Variants in TTC27 observed in about 807,000 individuals in gnomAD.
The protein encoded by TTC27 is tetratricopeptide repeat protein 27.
In TTC27, 79 loss-of-function variants were observed where a neutral mutation model predicts 115.9. The ratio of observed to expected loss-of-function variants is 0.68; its 90% CI spans 0.57 to 0.82. TTC27 has a LOEUF of 0.82. Ranked by LOEUF, TTC27 falls within the 40% of genes least tolerant of loss-of-function variation. TTC27 has a pLI of 0.00. For synonymous variants in TTC27, 401 were observed against 356.0 expected (o/e 1.13, Z -1.42); for missense variants, 1,054 against 993.1 (o/e 1.06, Z -0.82).
intron 16 of TTC27, among the ~76,000 whole-genome samples, chr2:32,810,233 G>A (rs969678107): frequency 1.3e-5 from 2 of 152,150 alleles, no homozygotes; most frequent in African/African-American, 4.8e-5. Context: ...GTAATTAGGA[G>A]GGGCTAGGAC....
At chr2:32,670,079 T>C (rs1271566666) in intron 7 of TTC27, among the ~76,000 whole-genome samples, 1 of 151,878 alleles carries the variant, frequency 6.6e-6, no homozygotes, top group South Asian at 2.1e-4. Flanking sequence ...GGCTTCACCA[T>C]GCTGGCCAGG....
At chr2:32,646,866 A>G (rs750229307) in intron 4 of TTC27, among the ~76,000 whole-genome samples, 1 of 151,466 alleles carries the variant, frequency 6.6e-6, no homozygotes, top group Non-Finnish European at 1.5e-5. Flanking sequence ...CCCGGCCTCT[A>G]TATTTGTTTT....
intron 10 of TTC27, among the ~76,000 whole-genome samples, chr2:32,703,122 A>G (rs922553687): frequency 1.3e-5 from 2 of 152,188 alleles, no homozygotes; most frequent in Non-Finnish European, 2.9e-5. Flanking sequence ...TGAACTCGGT[A>G]TTTAACCTCT....
chr2:32,810,862 G>C (rs1360493607), intron 16 of TTC27, among the ~76,000 whole-genome samples, 162 bp from the exon 17 acceptor site: 6 of 152,144 alleles, frequency 3.9e-5, no homozygotes, highest in Non-Finnish European at 8.8e-5. Context: ...AGTGCTTTAG[G>C]ATTGAATTTT....
chr2:32,812,697 G>A, intron 18 of TTC27, 82 bp downstream of exon 18: 1 of 1,038,634 alleles, frequency 9.6e-7, no homozygotes, highest in Non-Finnish European at 1.5e-6. Context: ...CAAAAGTAAA[G>A]TTCCATTATA....
At chr2:32,728,996 T>TACAC (rs35764233) in intron 10 of TTC27, among the ~76,000 whole-genome samples, 1 of 150,816 alleles carries the variant, frequency 6.6e-6, no homozygotes, top group Non-Finnish European at 1.5e-5. Context: ...CATCTTCCTA[T>TACAC]ACACACACAC....
intron 12 of TTC27, among the ~76,000 whole-genome samples, chr2:32,744,991 T>C (rs1015374360): frequency 2.4e-5 from 3 of 124,532 alleles, no homozygotes; most frequent in South Asian, 2.7e-4. Context: ...GAGTTTGCAG[T>C]GGGCCAAGAT....
At chr2:32,690,419 A>C (rs969975628) in intron 9 of TTC27, among the ~76,000 whole-genome samples, 22 of 152,224 alleles carry the variant, frequency 1.4e-4, no homozygotes, top group African/African-American at 5.1e-4. Flanking sequence ...AGAGAAATTT[A>C]TGAAACTGTA....
intron 14 of TTC27, among the ~76,000 whole-genome samples, chr2:32,781,876 C>A (rs1207799520): frequency 6.6e-6 from 1 of 152,218 alleles, no homozygotes; most frequent in Non-Finnish European, 1.5e-5. Context: ...CCTCCAAAAT[C>A]TCCATTCAGC....
At chr2:32,773,215 CATACAGCCAGCTTGCCTTCACG>C (rs1162858852) in intron 13 of TTC27, among the ~76,000 whole-genome samples, 2 of 152,188 alleles carry the variant, frequency 1.3e-5, no homozygotes, top group Non-Finnish European at 2.9e-5. Flanking sequence ...TTATTGGCTG[CATACAGCCAGCTTGCCTTCACG>C]ATTTGCCCTG....
At chr2:32,669,192 G>T (rs756854731) in intron 7 of TTC27, among the ~76,000 whole-genome samples, 1 of 152,096 alleles carries the variant, frequency 6.6e-6, no homozygotes, top group Non-Finnish European at 1.5e-5. Flanking sequence ...GGGTTTCACC[G>T]TGTTGCCCAG....
At chr2:32,712,117 G>T (rs1055298294) in intron 10 of TTC27, among the ~76,000 whole-genome samples, 11 of 152,176 alleles carry the variant, frequency 7.2e-5, no homozygotes, top group East Asian at 3.8e-4. Context: ...ATGGTTGCCG[G>T]CAGTTACACT....
chr2:32,677,411 C>T (rs548573817), intron 8 of TTC27, among the ~76,000 whole-genome samples: 2 of 151,740 alleles, frequency 1.3e-5, no homozygotes, highest in South Asian at 2.1e-4. Context: ...AGTACTGAGT[C>T]GAGGATATGT....
chr2:32,794,389 C>G (rs1298018519), intron 16 of TTC27, among the ~76,000 whole-genome samples: 2 of 152,210 alleles, frequency 1.3e-5, no homozygotes, highest in Admixed American at 6.5e-5. Flanking sequence ...TTAGAAAATA[C>G]TTAGAGATGA....
At position 32,631,195 on chromosome 2, in the gene TTC27, A is replaced by G. The variant is rs866261551; in HGVS notation, c.266+495A>G. 3.3e-5 allele frequency among the ~76,000 whole-genome samples: 5 copies of G among 152,090 alleles called. No homozygotes were observed. In the South Asian group the frequency reaches 8.3e-4, roughly 25 times the overall value. On this transcript the variant is annotated intron_variant, in intron 2 of 19. Coordinates refer to ENST00000317907, the MANE Select transcript of TTC27 (RefSeq NM_017735.5). ...GCATGCGCCTGTAATCCCAGCTGCTAGGGAGGCTGAGGCCGAAGAATCGCT... is the reference window on the plus strand; with the variant it reads ...GCATGCGCCTGTAATCCCAGCTGCTGGGGAGGCTGAGGCCGAAGAATCGCT...
intron 9 of TTC27, among the ~76,000 whole-genome samples, chr2:32,687,345 A>G (rs1428821184): frequency 6.6e-6 from 1 of 152,254 alleles, no homozygotes; most frequent in East Asian, 1.9e-4. Context: ...TCCAGTAAGA[A>G]GTCAAGGTGG....
At chr2:32,813,139 A>G in intron 18 of TTC27, among the ~76,000 whole-genome samples, 1 of 152,242 alleles carries the variant, frequency 6.6e-6, no homozygotes, top group East Asian at 1.9e-4. Flanking sequence ...TAGTCCAAAT[A>G]AGCATTGCTT....
At chr2:32,649,311 T>A (rs1480541743) in intron 4 of TTC27, among the ~76,000 whole-genome samples, 1 of 152,090 alleles carries the variant, frequency 6.6e-6, no homozygotes, top group African/African-American at 2.4e-5. Flanking sequence ...GATATAGAGA[T>A]GAATAAGACA....
rs1665038551 is a variant in TTC27 at position 32,650,173 on chromosome 2, C to T, written c.580C>T (p.His194Tyr). Residue 194 changes from histidine (H) to tyrosine (Y), a missense_variant, in exon 5 of 20, where the codon CAT becomes TAT. By Grantham distance (83) the His-to-Tyr change is moderately conservative. Transcript: ENST00000317907. ...WTLRCVNIHQHLLEERSPLLF... is the reference protein window; with the variant it reads ...WTLRCVNIHQYLLEERSPLLF... ...TTTGAGATGTGTGAATATTCATCAG[C>T]ATTTGCTTGAGGAACGCTCACCTCT... The T allele has an allele frequency of 1.2e-6, 2 of 1,613,738 alleles. No individual in the cohort carries two copies. Among genetic ancestry groups the T allele is most frequent in the African/African-American group, 2.7e-5 (2 of 74,900 alleles).
Sources: gnomAD v4.1 joint callset for allele counts (sites outside exome capture counted in the v4.1 genomes callset) on GRCh38, gnomAD v4.1.1 for gene constraint, MANE v1.5 for transcripts, NCBI Gene and HGNC (gene_info 2026-07-23, HGNC 2026-07-21) for gene names.